RNGTT: variants seen among roughly 807,000 people sequenced by gnomAD.
RNGTT encodes the protein RNA guanylyltransferase and 5'-phosphatase, also known as mRNA-capping enzyme.
In RNGTT, 33 loss-of-function variants were observed where a neutral mutation model predicts 79.3. The observed-to-expected ratio is 0.42, with a 90% confidence interval of 0.32 to 0.56. The LOEUF is 0.56. Ranked by LOEUF, RNGTT falls within the 20% of genes least tolerant of loss-of-function variation. The pLI is 0.17. For synonymous variants in RNGTT, 222 were observed against 235.9 expected (o/e 0.94, Z 0.54); for missense variants, 497 against 739.1 (o/e 0.67, Z 3.80).
chr6:88,937,908 T>C (rs1239439015), intron 2 of RNGTT, among the ~76,000 whole-genome samples: 1 of 152,204 alleles, frequency 6.6e-6, no homozygotes, highest in Non-Finnish European at 1.5e-5. Flanking sequence ...GTATGTGATA[T>C]GATTTTGACT....
intron 13 of RNGTT, among the ~76,000 whole-genome samples, chr6:88,765,586 C>T (rs959406434): frequency 6.6e-6 from 1 of 152,114 alleles, no homozygotes; most frequent in Non-Finnish European, 1.5e-5. Context: ...CATAAATCTT[C>T]AGCACAACAA....
chr6:88,696,967 T>C (rs1775697504), intron 13 of RNGTT, among the ~76,000 whole-genome samples: 2 of 152,238 alleles, frequency 1.3e-5, no homozygotes, highest in South Asian at 4.1e-4. Context: ...TGTTACCAGC[T>C]GTTCCAATAA....
intron 11 of RNGTT, among the ~76,000 whole-genome samples, chr6:88,823,203 G>A (rs1303175270): frequency 6.6e-6 from 1 of 152,118 alleles, no homozygotes; most frequent in Non-Finnish European, 1.5e-5. Context: ...GAGGCAGGTG[G>A]GTAACCTAAG....
chr6:88,794,588 G>A (rs1779532072), intron 12 of RNGTT, among the ~76,000 whole-genome samples: 1 of 152,004 alleles, frequency 6.6e-6, no homozygotes, highest in Non-Finnish European at 1.5e-5. Flanking sequence ...ATTTTGCAAG[G>A]CAAAAATATA....
intron 8 of RNGTT, among the ~76,000 whole-genome samples, chr6:88,874,037 CTCTCTTGG>C (rs1406208431): frequency 5.3e-5 from 8 of 152,010 alleles, no homozygotes; most frequent in Non-Finnish European, 1.0e-4. Context: ...TATAAGAAGC[CTCTCTTGG>C]TTATTTTAAT....
At chr6:88,843,558 T>C (rs1309300895) in intron 11 of RNGTT, among the ~76,000 whole-genome samples, 2 of 131,890 alleles carry the variant, frequency 1.5e-5, no homozygotes, top group African/African-American at 2.9e-5. Flanking sequence ...CTTTTTTTTT[T>C]TTTTTTTTTT....
intron 8 of RNGTT, among the ~76,000 whole-genome samples, chr6:88,872,636 T>C (rs1782393008): frequency 6.6e-6 from 1 of 152,094 alleles, no homozygotes; most frequent in South Asian, 2.1e-4. Context: ...AGACAGTAAA[T>C]ATTTGAATTT....
chr6:88,682,281 C>T (rs1242828210), intron 13 of RNGTT, among the ~76,000 whole-genome samples: 2 of 152,152 alleles, frequency 1.3e-5, no homozygotes, highest in Non-Finnish European at 2.9e-5. Context: ...TACCCGTTAT[C>T]AGATATATTT....
chr6:88,934,470 T>A (rs1376074330), intron 2 of RNGTT, among the ~76,000 whole-genome samples: 1 of 152,226 alleles, frequency 6.6e-6, no homozygotes, highest in Non-Finnish European at 1.5e-5. Flanking sequence ...TGTCCTCTTT[T>A]GAGAAATGTC....
chr6:88,709,770 C>G (rs1169025523), intron 13 of RNGTT, among the ~76,000 whole-genome samples: 1 of 152,160 alleles, frequency 6.6e-6, no homozygotes, highest in Admixed American at 6.5e-5. Flanking sequence ...TTCAAGTGCT[C>G]AACAGCTACA....
In RNGTT at chr6:88,941,126, G is replaced by A; in HGVS notation, c.119C>T (p.Ala40Val). The stretch of plus-strand genomic sequence containing the variant: ...GCTGGGATGGAACCGATTTTCTTCA[G>A]CAACTTGACTATCATATCTTGGTCC... ...MLGPRYDSQV[A>V]EENRFHPSML... is the part of the protein sequence containing the mutation. Residue 40 changes from alanine to valine, a missense_variant, in exon 2 of 16, where the codon GCT becomes GTT. By Grantham distance (64) the Ala-to-Val change is moderately conservative (BLOSUM62 0). Around this residue, in one of 3 missense-constraint regions of RNGTT, gnomAD observed 440 missense variants for 671.5 expected, o/e 0.66. Transcript: ENST00000369485. The A allele has an allele frequency of 6.2e-7, 1 of 1,613,600 alleles. No individual in the cohort carries two copies.
chr6:88,933,203 T>C (rs566399546), intron 2 of RNGTT, among the ~76,000 whole-genome samples: 1 of 152,348 alleles, frequency 6.6e-6, no homozygotes, highest in South Asian at 2.1e-4. Flanking sequence ...TGTGTAATGA[T>C]GAAATCAGGG....
intron 1 of RNGTT, among the ~76,000 whole-genome samples, chr6:88,948,196 C>T (rs1785089816): frequency 3.5e-5 from 1 of 28,830 alleles, no homozygotes; most frequent in African/African-American, 1.7e-4. Context: ...GGTCAGCCCC[C>T]CCGCCCGGCC....
At chr6:88,753,542 T>C (rs1777908917) in intron 13 of RNGTT, among the ~76,000 whole-genome samples, 2 of 151,714 alleles carry the variant, frequency 1.3e-5, no homozygotes, top group African/African-American at 4.8e-5. Flanking sequence ...CTTGAACTGA[T>C]AGAAAAGTTC....
At chr6:88,825,788 A>G (rs1780636795) in intron 11 of RNGTT, among the ~76,000 whole-genome samples, 1 of 152,170 alleles carries the variant, frequency 6.6e-6, no homozygotes, top group South Asian at 2.1e-4. Flanking sequence ...TATGACCATT[A>G]TTTTTAAATG....
chr6:88,939,285 G>A (rs920866933), intron 2 of RNGTT, among the ~76,000 whole-genome samples: 5 of 152,080 alleles, frequency 3.3e-5, no homozygotes, highest in Admixed American at 3.3e-4. Flanking sequence ...AGAAGGCTTT[G>A]CTCATTCTTT....
At chr6:88,718,407 GA>G (rs534573910) in intron 13 of RNGTT, among the ~76,000 whole-genome samples, 1 of 150,212 alleles carries the variant, frequency 6.7e-6, no homozygotes, top group African/African-American at 2.4e-5. Flanking sequence ...AAAAAGAAAG[GA>G]AAAAAAAGTA....
chr6:88,909,294 G>C (rs1321565707), intron 4 of RNGTT, among the ~76,000 whole-genome samples: 1 of 152,114 alleles, frequency 6.6e-6, no homozygotes, highest in Non-Finnish European at 1.5e-5. Flanking sequence ...CCAGGTCAGG[G>C]GAGTGCAAGT....
chr6:88,740,959 A>C (rs1777467774), intron 13 of RNGTT, among the ~76,000 whole-genome samples: 1 of 152,222 alleles, frequency 6.6e-6, no homozygotes, highest in African/African-American at 2.4e-5. Context: ...GATGCTGGTT[A>C]GGCTGCAGAG....
Sources: allele counts gnomAD v4.1 joint callset (sites outside exome capture counted in the v4.1 genomes callset), GRCh38; gene constraint gnomAD v4.1.1; regional missense constraint gnomAD v4.1.1; transcripts MANE v1.5; gene names NCBI Gene and HGNC (gene_info 2026-07-23, HGNC 2026-07-21).